Variants in SLCO5A1 observed in about 807,000 individuals in gnomAD.
The protein encoded by SLCO5A1 is organic anion transporter polypeptide-related protein 4.
In SLCO5A1, 39 loss-of-function variants were observed where a neutral mutation model predicts 65.1. The observed-to-expected ratio is 0.60, with a 90% CI of 0.46 to 0.78. SLCO5A1 has a LOEUF of 0.78. Among genes scored for constraint, SLCO5A1 ranks in the 30% least tolerant of loss-of-function variants. The probability of loss-of-function intolerance (pLI) is 0.00; values close to 1 mark genes in which losing one functional copy is unlikely to be tolerated. For missense variants in SLCO5A1, 1,029 were observed against 1,069.4 expected (o/e 0.96, Z 0.53); for synonymous variants, 438 against 415.7 (o/e 1.05, Z -0.65).
intron 3 of SLCO5A1, among the ~76,000 whole-genome samples, chr8:69,759,561 C>G (rs902880469): frequency 2.6e-5 from 4 of 152,142 alleles, no homozygotes; most frequent in African/African-American, 9.7e-5. Context: ...TCCCCAAGCT[C>G]ACATAGGTAT....
chr8:69,680,569 A>G (rs1299355456), intron 7 of SLCO5A1, among the ~76,000 whole-genome samples: 1 of 152,100 alleles, frequency 6.6e-6, no homozygotes, highest in African/African-American at 2.4e-5. Flanking sequence ...TGTCTTTACT[A>G]TTGTGAACAG....
intron 9 of SLCO5A1, among the ~76,000 whole-genome samples, chr8:69,673,956 A>C (rs1160501511): frequency 6.6e-6 from 1 of 152,244 alleles, no homozygotes; most frequent in Non-Finnish European, 1.5e-5. Flanking sequence ...TCTGAGATGA[A>C]TAGTAGCTTC....
chr8:69,805,181 G>A (rs984482236), intron 2 of SLCO5A1, among the ~76,000 whole-genome samples: 5 of 152,090 alleles, frequency 3.3e-5, no homozygotes, highest in East Asian at 3.9e-4. Flanking sequence ...TGTTTGACAC[G>A]AGCCACACCC....
At chr8:69,828,754 T>G (rs975613979) in intron 2 of SLCO5A1, among the ~76,000 whole-genome samples, 1 of 152,236 alleles carries the variant, frequency 6.6e-6, no homozygotes, top group Non-Finnish European at 1.5e-5. Flanking sequence ...GGACTGTGTC[T>G]CACTTTTGGT....
At chr8:69,828,152 T>A (rs1820997494) in intron 2 of SLCO5A1, among the ~76,000 whole-genome samples, 1 of 152,108 alleles carries the variant, frequency 6.6e-6, no homozygotes, top group African/African-American at 2.4e-5. Context: ...AGTGAAATAA[T>A]ATATCTAAGA....
intron 6 of SLCO5A1, among the ~76,000 whole-genome samples, chr8:69,692,412 C>T (rs1381344305): frequency 6.6e-6 from 1 of 152,168 alleles, no homozygotes; most frequent in Admixed American, 6.5e-5. Flanking sequence ...CTGTAGTCTT[C>T]ATAAGCACTG....
Position 69,834,779 on chromosome 8 carries a change from C to CACAG in SLCO5A1, c.-497+74_-497+75insCTGT, listed in dbSNP as rs1275343867. On this transcript the variant is annotated intron_variant, in intron 1 of 9. Coordinates refer to ENST00000260126, the MANE Select transcript of SLCO5A1 (RefSeq NM_030958.3). ...ACACACACACACACACACACACACACAGAGCCCGTGGGAAGACAAGACCGC... is the reference window on the plus strand; with the variant it reads ...ACACACACACACACACACACACACACACAGAGAGCCCGTGGGAAGACAAGACCGC... 5 of 147,330 alleles carry CACAG rather than the reference C, an allele frequency of 3.4e-5. No homozygotes were observed. The East Asian group carries it at 9.9e-4, about 29-fold the overall frequency. 9.1% of individuals were successfully genotyped at this position (147,330 alleles called of 1,614,324 possible).
intron 3 of SLCO5A1, among the ~76,000 whole-genome samples, chr8:69,758,737 T>C (rs926080641): frequency 7.9e-5 from 12 of 152,154 alleles, no homozygotes; most frequent in African/African-American, 2.9e-4. Context: ...CATATAATAA[T>C]GATGCTAAAG....
At chr8:69,803,710 T>C (rs1819861293) in intron 2 of SLCO5A1, among the ~76,000 whole-genome samples, 1 of 152,068 alleles carries the variant, frequency 6.6e-6, no homozygotes, top group Non-Finnish European at 1.5e-5. Flanking sequence ...AGTGTATGGC[T>C]GGGTGTGGTG....
intron 2 of SLCO5A1, among the ~76,000 whole-genome samples, chr8:69,784,728 C>T (rs1818934053): frequency 6.7e-6 from 1 of 149,598 alleles, no homozygotes; most frequent in Admixed American, 6.7e-5. Context: ...GCAGAGGCTA[C>T]AGTGAGTCAA....
At chr8:69,673,554 C>T (rs963114413) in intron 9 of SLCO5A1, among the ~76,000 whole-genome samples, 2 of 152,000 alleles carry the variant, frequency 1.3e-5, no homozygotes, top group Non-Finnish European at 2.9e-5. Flanking sequence ...ACCCAGAATG[C>T]GCTGTTGATT....
At chr8:69,761,696 T>G (rs759160675) in intron 3 of SLCO5A1, 47 bp downstream of exon 3, 1 of 1,589,404 alleles carries the variant, frequency 6.3e-7, no homozygotes, top group African/African-American at 1.4e-5. Flanking sequence ...TGACTTTAAC[T>G]ATTATTAGTA....
At chr8:69,708,910 A>T (rs964495976) in intron 5 of SLCO5A1, among the ~76,000 whole-genome samples, 1 of 152,202 alleles carries the variant, frequency 6.6e-6, no homozygotes, top group Admixed American at 6.5e-5. Flanking sequence ...CCATCTCAAA[A>T]AAAAAGAAGA....
intron 2 of SLCO5A1, among the ~76,000 whole-genome samples, chr8:69,791,311 T>C (rs1316976184): frequency 6.6e-6 from 1 of 152,150 alleles, no homozygotes. Context: ...GCATGATCGC[T>C]CTGCAGGGAC....
intron 6 of SLCO5A1, among the ~76,000 whole-genome samples, chr8:69,700,006 G>A (rs1814657021): frequency 6.6e-6 from 1 of 152,164 alleles, no homozygotes; most frequent in Admixed American, 6.5e-5. Context: ...TGAGGTGGGA[G>A]GATCACTTCA....
At chr8:69,807,674 C>T (rs1228777479) in intron 2 of SLCO5A1, among the ~76,000 whole-genome samples, 1 of 152,132 alleles carries the variant, frequency 6.6e-6, no homozygotes, top group Non-Finnish European at 1.5e-5. Flanking sequence ...TCCGTGTTGT[C>T]GCAAATGACA....
At chr8:69,691,973 A>T (rs772264520) in intron 6 of SLCO5A1, among the ~76,000 whole-genome samples, 3 of 152,168 alleles carry the variant, frequency 2.0e-5, no homozygotes, top group Admixed American at 2.0e-4. Context: ...ATAAGGCCGG[A>T]CGCGGTGGCT....
chr8:69,708,147 G>C (rs903661231), intron 5 of SLCO5A1, among the ~76,000 whole-genome samples: 1 of 152,180 alleles, frequency 6.6e-6, no homozygotes, highest in Non-Finnish European at 1.5e-5. Context: ...CAGCCACAGA[G>C]GCCAGAGGAA....
chr8:69,762,552 G>C (rs530396124), intron 2 of SLCO5A1, among the ~76,000 whole-genome samples: 2 of 151,864 alleles, frequency 1.3e-5, no homozygotes, highest in Non-Finnish European at 2.9e-5. Context: ...TAGAAATAGA[G>C]ACCCAGGCTA....
Sources: allele counts gnomAD v4.1 joint callset (sites outside exome capture counted in the v4.1 genomes callset), GRCh38; gene constraint gnomAD v4.1.1; transcripts MANE v1.5; gene names NCBI Gene and HGNC (gene_info 2026-07-23, HGNC 2026-07-21).